The following SLC27A6 variants were observed in gnomAD, a reference collection of about 807,000 sequenced individuals.
SLC27A6 encodes the protein solute carrier family 27 member 6, also known as long-chain fatty acid transport protein 6.
In SLC27A6, 74 loss-of-function variants were observed where a neutral mutation model predicts 63.9. That is an observed-to-expected ratio of 1.16 (90% CI 0.96 to 1.40). The LOEUF (loss-of-function observed/expected upper bound fraction) is 1.40. Ranked by LOEUF, SLC27A6 falls within the 40% of genes most tolerant of loss-of-function variation. The probability of loss-of-function intolerance (pLI) is 0.00; values close to 1 mark genes in which losing one functional copy is unlikely to be tolerated. For synonymous variants in SLC27A6, 287 were observed against 260.8 expected, an observed-to-expected ratio of 1.10 and a Z score of -0.97; for missense variants, 794 against 732.9, an observed-to-expected ratio of 1.08 and a Z score of -0.96.
chr5:128,969,587 A>C (rs1750056227), intron 1 of SLC27A6, among the ~76,000 whole-genome samples: 1 of 152,136 alleles, frequency 6.6e-6, no homozygotes, highest in African/African-American at 2.4e-5. Flanking sequence ...GGTGTAAAGG[A>C]ATGCTTGTGA....
At chr5:128,971,091 C>G (rs36191603) in intron 1 of SLC27A6, among the ~76,000 whole-genome samples, 36,635 of 151,994 alleles carry the variant, frequency 0.24, 4,958 homozygotes, top group Middle Eastern at 0.33. Context: ...TTAACCCTGA[C>G]TTCTAATTTG....
At chr5:128,997,927 TTA>T (rs1166588782) in intron 4 of SLC27A6, among the ~76,000 whole-genome samples, 1 of 152,036 alleles carries the variant, frequency 6.6e-6, no homozygotes, top group African/African-American at 2.4e-5. Flanking sequence ...CATAATCCAG[TTA>T]TGAGATATAT....
chr5:129,020,241 G>T (rs1217968488), intron 5 of SLC27A6, among the ~76,000 whole-genome samples: 1 of 152,112 alleles, frequency 6.6e-6, no homozygotes, highest in Admixed American at 6.6e-5. Flanking sequence ...AAAGTTTTAA[G>T]AAATCAGAAA....
chr5:129,013,250 T>C (rs1401729196), intron 4 of SLC27A6, among the ~76,000 whole-genome samples: 7 of 152,112 alleles, frequency 4.6e-5, no homozygotes, highest in Admixed American at 4.6e-4. Context: ...GTCCTCTTCA[T>C]TCCTTCCTGC....
At position 128,988,721 on chromosome 5, in the gene SLC27A6, A is replaced by G. The variant is rs745467560; in HGVS notation, c.807A>G (p.Ser269=). The G allele has an allele frequency of 6.2e-7, 1 of 1,613,398 alleles. No homozygotes were observed. The highest frequency in any genetic ancestry group is 1.3e-5 in the African/African-American group (1 of 74,894). ...TAACCCTTCCTCTGTATCATAGTTC[A>G]GCAGCTATCCTGGGAATTTCTGGAT... ...VYITLPLYHS[S]AAILGISGCV... is the part of the protein sequence containing the mutation. The change falls in exon 3 of 10, where the codon TCA becomes TCG. Residue 269 remains serine, a synonymous_variant. Coordinates refer to ENST00000262462, the MANE Select transcript of SLC27A6 (RefSeq NM_001017372.3).
At chr5:129,022,160 G>A (rs758122373) in intron 5 of SLC27A6, among the ~76,000 whole-genome samples, 1 of 152,138 alleles carries the variant, frequency 6.6e-6, no homozygotes, top group Non-Finnish European at 1.5e-5. Context: ...ATGCAAGTTC[G>A]TATTTTAATA....
chr5:129,002,512 G>T (rs1306745), intron 4 of SLC27A6, among the ~76,000 whole-genome samples: 4 of 124,444 alleles, frequency 3.2e-5, no homozygotes, highest in African/African-American at 9.0e-5. Flanking sequence ...CTCGTTCCCT[G>T]GTTCCCTCCC....
At chr5:129,008,337 A>G (rs1751615568) in intron 4 of SLC27A6, among the ~76,000 whole-genome samples, 1 of 152,214 alleles carries the variant, frequency 6.6e-6, no homozygotes, top group Admixed American at 6.5e-5. Flanking sequence ...CTCTGTATCA[A>G]CTGAATTTCT....
At position 128,966,033 on chromosome 5, in the gene SLC27A6, G is replaced by T; in HGVS notation, c.-105G>T. 2.2e-6 allele frequency: 3 copies of T among 1,355,160 alleles called. No homozygotes were observed. The highest frequency in any genetic ancestry group is 3.0e-6 in the Non-Finnish European group (3 of 1,010,914). The allele number at this position is 1,355,160 out of a possible 1,614,324, so 83.9% of individuals were successfully genotyped here. ...AAGCTGACAAGAACTTCAGGTGTAA[G>T]CCCTGAGTAGTGAGGATCTGCGGTC... is the stretch of plus-strand genomic sequence containing the variant. On this transcript the variant is annotated 5_prime_UTR_variant, in exon 1 of 10. Coordinates refer to ENST00000262462, the MANE Select transcript of SLC27A6 (RefSeq NM_001017372.3).
At chr5:129,000,545 G>A (rs12658056) in intron 4 of SLC27A6, among the ~76,000 whole-genome samples, 34,954 of 152,020 alleles carry the variant, frequency 0.23, 5,129 homozygotes, top group East Asian at 0.7. Flanking sequence ...AGGGGACAAA[G>A]TCCAACAAGG....
Position 128,966,555 on chromosome 5 carries a change from C to A in SLC27A6, c.418C>A (p.Arg140Ser), listed in dbSNP as rs748160890. 1.2e-5 allele frequency: 19 copies of A among 1,571,438 alleles called. No homozygotes were observed. Residue 140 changes from arginine (R) to serine (S), a missense_variant, in exon 1 of 10, where the codon CGC (arginine) becomes AGC (serine). Arg to Ser is a moderately radical substitution (Grantham distance 110). Coordinates refer to ENST00000262462, the MANE Select transcript of SLC27A6 (RefSeq NM_001017372.3). ...GGTGGCCTTTCTCAACACCAACATTCGCTCCAACTCCCTCCTGAATTGCAT... is the reference window on the plus strand; with the variant it reads ...GGTGGCCTTTCTCAACACCAACATTAGCTCCAACTCCCTCCTGAATTGCAT... ...CVVAFLNTNI[R>S]SNSLLNCIRA...
intron 1 of SLC27A6, among the ~76,000 whole-genome samples, chr5:128,979,111 G>C (rs551052496): frequency 6.6e-6 from 1 of 151,572 alleles, no homozygotes; most frequent in Admixed American, 6.6e-5. Context: ...TCAACAAATG[G>C]ATGCAATCAT....
At chr5:129,004,700 G>A (rs974599327) in intron 4 of SLC27A6, among the ~76,000 whole-genome samples, 1 of 152,178 alleles carries the variant, frequency 6.6e-6, no homozygotes, top group Admixed American at 6.5e-5. Flanking sequence ...GAGAAGTGGA[G>A]TTTTAAAAAT....
chr5:128,991,441 G>C (rs1436191443), intron 4 of SLC27A6, among the ~76,000 whole-genome samples: 1 of 152,144 alleles, frequency 6.6e-6, no homozygotes, highest in Non-Finnish European at 1.5e-5. Context: ...AGCTATCCAA[G>C]AATGTACTAA....
At chr5:128,978,931 A>AGTACATGGT (rs2150130941) in intron 1 of SLC27A6, among the ~76,000 whole-genome samples, 1 of 152,290 alleles carries the variant, frequency 6.6e-6, no homozygotes, top group East Asian at 1.9e-4. Context: ...CAGTGTTTTC[A>AGTACATGGT]GTACAGTAAC....
In SLC27A6 at chr5:128,990,482, C is replaced by A; in HGVS notation, c.969+18C>A. ...AATCTAAGGTAGGCGTAATCATTAT[C>A]AGAAAAAAATATGTCAGAAAGAATA... On this transcript the variant is annotated intron_variant, in intron 4 of 9. Transcript: ENST00000262462. 6.3e-7 allele frequency: 1 copy of A among 1,588,074 alleles called. No individual in the cohort carries two copies. Among genetic ancestry groups the A allele is most frequent in the Admixed American group, 1.9e-5 (1 of 53,482 alleles).
At chr5:129,014,008 T>G (rs1370697159) in intron 4 of SLC27A6, among the ~76,000 whole-genome samples, 1 of 152,122 alleles carries the variant, frequency 6.6e-6, no homozygotes, top group Non-Finnish European at 1.5e-5. Flanking sequence ...CTTCCAGAAG[T>G]CAGTATCTTT....
intron 4 of SLC27A6, among the ~76,000 whole-genome samples, chr5:128,996,101 A>C (rs1399849726): frequency 6.6e-6 from 1 of 152,204 alleles, no homozygotes; most frequent in Non-Finnish European, 1.5e-5. Flanking sequence ...GGATGTAGGA[A>C]TCTGAAGCTC....
At chr5:129,028,313 G>A in intron 7 of SLC27A6, 32 bp from the exon 8 acceptor site, 2 of 1,400,712 alleles carry the variant, frequency 1.4e-6, no homozygotes, top group Non-Finnish European at 2.0e-6. Flanking sequence ...AAATACAGGT[G>A]CACTAACTGG....
Sources: gnomAD v4.1 joint callset for allele counts (sites outside exome capture counted in the v4.1 genomes callset) on GRCh38, gnomAD v4.1.1 for gene constraint, MANE v1.5 for transcripts, NCBI Gene and HGNC (gene_info 2026-07-23, HGNC 2026-07-21) for gene names.